CNGA1: variants seen among roughly 807,000 people sequenced by gnomAD.
The protein encoded by CNGA1 is cyclic nucleotide-gated channel alpha-1.
A neutral mutation model predicts 69.7 loss-of-function variants in CNGA1; 53 were observed. That is an observed-to-expected ratio of 0.76 (90% CI 0.61 to 0.96). The LOEUF (loss-of-function observed/expected upper bound fraction) is 0.96. CNGA1 is among the 40% of genes least tolerant of loss of function. CNGA1 has a pLI of 0.00. For missense variants in CNGA1, 739 were observed against 811.2 expected, an observed-to-expected ratio of 0.91 and a Z score of 1.08; for synonymous variants, 249 against 283.5, an observed-to-expected ratio of 0.88 and a Z score of 1.22.
chr4:47,936,542 A>G lies in CNGA1; in HGVS notation c.1940T>C (p.Met647Thr), dbSNP rs776545639. The G allele has an allele frequency of 1.0e-4, 161 of 1,614,068 alleles. 1 individual carries two copies. The South Asian group carries it at 1.7e-3, about 17-fold the overall frequency. Residue 647 changes from methionine (M) to threonine (T), a missense_variant, in exon 11 of 11, where the codon ATG becomes ACG. Coordinates refer to ENST00000514170, the MANE Select transcript of CNGA1 (RefSeq NM_001379270.1). ...FARILAEYES[M>T]QQKLKQRLTK... is the part of the protein sequence containing the mutation. ...TAATCTTTGTTTCAGTTTCTGCTGC[A>G]TGGACTCATACTCAGCCAAGATTCG...
At position 47,943,438 on chromosome 4, in the gene CNGA1, C is replaced by G. The variant is rs6819506; in HGVS notation, c.288-26G>C. On this transcript the variant is annotated intron_variant, in intron 6 of 10. Transcript: ENST00000514170. ...CTAAAGAAAAAAATAATATATCTGTCACATAATCACAGTCTTCCACTCTTA... is the reference window on the plus strand; with the variant it reads ...CTAAAGAAAAAAATAATATATCTGTGACATAATCACAGTCTTCCACTCTTA... The G allele has an allele frequency of 0.81, 1,073,152 of 1,326,930 alleles. 435,457 individuals are homozygous for G. Among genetic ancestry groups the G allele is most frequent in the East Asian group, 0.97 (38,304 of 39,358 alleles). The allele number at this position is 1,326,930 out of a possible 1,614,324, so 82.2% of individuals were successfully genotyped here.
intron 1 of CNGA1, among the ~76,000 whole-genome samples, chr4:48,014,233 C>T (rs545177418): frequency 1.5e-4 from 23 of 152,160 alleles, no homozygotes; most frequent in Middle Eastern, 3.4e-3. Flanking sequence ...TAAATATCCC[C>T]CAACTTTATG....
intron 2 of CNGA1, among the ~76,000 whole-genome samples, chr4:48,000,570 A>C (rs1034006994): frequency 2.6e-5 from 4 of 152,036 alleles, no homozygotes; most frequent in African/African-American, 4.8e-5. Flanking sequence ...GCTTCTCCAG[A>C]TTGGTTAGGC....
chr4:47,938,173 CAAAA>C (rs10717851), intron 10 of CNGA1, among the ~76,000 whole-genome samples: 3 of 126,488 alleles, frequency 2.4e-5, no homozygotes, highest in African/African-American at 3.0e-5. Context: ...GACCCTGTCT[CAAAA>C]AAAAAAAAAG....
intron 3 of CNGA1, among the ~76,000 whole-genome samples, chr4:47,953,895 G>A (rs953241452): frequency 1.5e-4 from 23 of 151,508 alleles, no homozygotes; most frequent in Non-Finnish European, 2.7e-4. Flanking sequence ...CCACACTCGG[G>A]CCTTATGCCC....
At chr4:47,974,956 T>C (rs1055946233) in intron 3 of CNGA1, among the ~76,000 whole-genome samples, 1 of 152,178 alleles carries the variant, frequency 6.6e-6, no homozygotes, top group African/African-American at 2.4e-5. Flanking sequence ...CTGCCTATTG[T>C]AATAAGTCTC....
intron 1 of CNGA1, among the ~76,000 whole-genome samples, chr4:48,015,190 AC>A (rs1715329930): frequency 6.6e-6 from 1 of 152,176 alleles, no homozygotes; most frequent in Admixed American, 6.5e-5. Context: ...AAAAAACCAA[AC>A]CAAGCCAAAC....
intron 3 of CNGA1, among the ~76,000 whole-genome samples, chr4:47,959,850 C>A (rs1740318710): frequency 6.6e-6 from 1 of 152,138 alleles, no homozygotes; most frequent in Non-Finnish European, 1.5e-5. Context: ...AAGCGACCTG[C>A]CCGCCTTGGC....
chr4:47,998,510 C>T (rs1445851269), intron 2 of CNGA1, among the ~76,000 whole-genome samples: 1 of 152,178 alleles, frequency 6.6e-6, no homozygotes, highest in Non-Finnish European at 1.5e-5. Flanking sequence ...CACAGTGGCT[C>T]ATGCCTTTAA....
At chr4:47,940,528 G>A (rs1739011108) in intron 10 of CNGA1, among the ~76,000 whole-genome samples, 1 of 152,156 alleles carries the variant, frequency 6.6e-6, no homozygotes, top group Admixed American at 6.5e-5. Flanking sequence ...CAAGATAATG[G>A]AGGAAAGCCA....
rs1741394024 is a variant in CNGA1 at position 47,976,282 on chromosome 4, TATATATATATATACACATAC to T, written c.-15+5091_-15+5110del. ...ATACATATATATATACATATATATG[TATATATATATATACACATAC>T]ATATATATATACATATATATGTATA... On this transcript the variant is annotated intron_variant, in intron 3 of 10. Transcript: ENST00000514170. 1.5e-4 allele frequency among the ~76,000 whole-genome samples: 2 copies of T among 13,336 alleles called. 1 individual carries two copies. The highest frequency in any genetic ancestry group is 4.6e-4 in the African/African-American group (2 of 4,370). 8.7% of individuals were successfully genotyped at this position (13,336 alleles called of 152,430 possible).
At chr4:47,943,662 C>A (rs901278121) in intron 6 of CNGA1, among the ~76,000 whole-genome samples, 1 of 152,042 alleles carries the variant, frequency 6.6e-6, no homozygotes, top group Non-Finnish European at 1.5e-5. Flanking sequence ...TGAATAAAGG[C>A]ATAAAACCAA....
chr4:47,983,361 C>T (rs1281092261), intron 2 of CNGA1, among the ~76,000 whole-genome samples: 3 of 151,842 alleles, frequency 2.0e-5, no homozygotes, highest in Non-Finnish European at 4.4e-5. Flanking sequence ...GAGGCTGAGG[C>T]GGGTAGATCA....
At chr4:47,975,455 C>T (rs1471824186) in intron 3 of CNGA1, among the ~76,000 whole-genome samples, 2 of 152,098 alleles carry the variant, frequency 1.3e-5, no homozygotes, top group Non-Finnish European at 2.9e-5. Context: ...ATCTACAATA[C>T]AATAAAAAGC....
chr4:47,946,661 A>G (rs1051520881), intron 6 of CNGA1, among the ~76,000 whole-genome samples: 1 of 152,266 alleles, frequency 6.6e-6, no homozygotes, highest in African/African-American at 2.4e-5. Context: ...AGAAACAACA[A>G]TTCATAATGT....
intron 3 of CNGA1, among the ~76,000 whole-genome samples, chr4:47,955,919 C>T (rs1454700200): frequency 6.6e-6 from 1 of 152,216 alleles, no homozygotes; most frequent in Admixed American, 6.5e-5. Context: ...AAGCTATACT[C>T]ATGAGACATT....
intron 2 of CNGA1, among the ~76,000 whole-genome samples, chr4:48,005,243 G>C (rs1714870743): frequency 6.6e-6 from 1 of 151,996 alleles, no homozygotes; most frequent in Non-Finnish European, 1.5e-5. Flanking sequence ...TCGGCCTCCT[G>C]AGTAGCTGGG....
intron 3 of CNGA1, among the ~76,000 whole-genome samples, chr4:47,966,571 A>C (rs1740737666): frequency 3.3e-5 from 5 of 152,194 alleles, no homozygotes; most frequent in Admixed American, 3.3e-4. Flanking sequence ...CCTGAATCAC[A>C]CCTTGTGAAA....
intron 3 of CNGA1, among the ~76,000 whole-genome samples, chr4:47,970,232 A>T (rs1019103496): frequency 9.2e-5 from 14 of 152,164 alleles, no homozygotes; most frequent in Admixed American, 5.9e-4. Flanking sequence ...TATGCAGAAT[A>T]ACTATGAGGA....
Sources: gnomAD v4.1 joint callset for allele counts (sites outside exome capture counted in the v4.1 genomes callset) on GRCh38, gnomAD v4.1.1 for gene constraint, MANE v1.5 for transcripts, NCBI Gene and HGNC (gene_info 2026-07-23, HGNC 2026-07-21) for gene names.